Variants in AOPEP observed in about 807,000 individuals in gnomAD.
AOPEP encodes aminopeptidase O.
AOPEP carries 77 observed loss-of-function variants against 98.1 expected under a neutral mutation model. That is an observed-to-expected ratio of 0.78 (90% CI 0.65 to 0.95). The LOEUF (loss-of-function observed/expected upper bound fraction) is 0.95, where lower values mean the gene tolerates loss of function less well. AOPEP is among the 40% of genes least tolerant of loss of function. AOPEP has a pLI of 0.00. For synonymous variants in AOPEP, 346 were observed against 365.3 expected, an observed-to-expected ratio of 0.95 and a Z score of 0.60; for missense variants, 1,024 against 1,024.7, an observed-to-expected ratio of 1.00 and a Z score of 0.01.
chr9:94,763,002 C>G, intron 2 of AOPEP: 1 of 285,300 alleles, frequency 3.5e-6, no homozygotes, highest in East Asian at 1.1e-4. Context: ...GGGACAGAGT[C>G]TGTCTACATT....
chr9:94,728,383 C>A (rs1564021824), intron 1 of AOPEP, among the ~76,000 whole-genome samples: 1 of 152,130 alleles, frequency 6.6e-6, no homozygotes, highest in African/African-American at 2.4e-5. Flanking sequence ...CTTAATACTT[C>A]TTTAGAAATG....
chr9:95,010,138 C>T (rs76812757), intron 13 of AOPEP, among the ~76,000 whole-genome samples: 1,613 of 151,770 alleles, frequency 0.011, 33 homozygotes, highest in African/African-American at 0.038. Flanking sequence ...GTTTATTGTT[C>T]CTTTTAAATT....
intron 1 of AOPEP, among the ~76,000 whole-genome samples, chr9:94,728,762 A>G (rs1245057909): frequency 1.3e-5 from 2 of 152,198 alleles, no homozygotes; most frequent in African/African-American, 4.8e-5. Flanking sequence ...CCTTCAGGCT[A>G]TGCGGGGCAC....
rs571152821 is a variant in AOPEP, at chr9:94,799,173, A to T, written c.1119-1584A>T. Among the ~76,000 whole-genome samples, 10 of 152,248 alleles carry T rather than the reference A, an allele frequency of 6.6e-5. No homozygotes were observed. In the East Asian group the frequency reaches 1.4e-3, roughly 21 times the overall value. Reference sequence around the variant, plus strand: ...AGTGAAAGGTACTTCTTACATTTGGAGAGGAATTATTGTTGCATTCTGCCC... The same window carrying T: ...AGTGAAAGGTACTTCTTACATTTGGTGAGGAATTATTGTTGCATTCTGCCC... On this transcript the variant is annotated intron_variant, in intron 4 of 16. Coordinates refer to ENST00000375315, the MANE Select transcript of AOPEP (RefSeq NM_001193329.3).
At chr9:95,104,132 C>T in the AOPEP span, among the ~76,000 whole-genome samples, 2 of 152,210 alleles carry the variant, frequency 1.3e-5, no homozygotes, top group Non-Finnish European at 2.9e-5. Flanking sequence ...GGCAGAGGAA[C>T]TGACAAAGGC....
intron 5 of AOPEP, among the ~76,000 whole-genome samples, chr9:94,879,558 C>T (rs1489645102): frequency 6.6e-6 from 1 of 152,104 alleles, no homozygotes; most frequent in Non-Finnish European, 1.5e-5. Context: ...CCAGGAATAC[C>T]CCATAAAGGA....
intron 13 of AOPEP, 95 bp downstream of exon 13, chr9:95,005,711 T>C (rs1564512430): frequency 3.1e-5 from 30 of 983,048 alleles, no homozygotes; most frequent in Non-Finnish European, 4.8e-5. Context: ...GTGTTTAATT[T>C]AAAAAGTTTT....
chr9:94,993,452 A>G (rs2061018514), intron 11 of AOPEP, among the ~76,000 whole-genome samples: 1 of 152,184 alleles, frequency 6.6e-6, no homozygotes, highest in South Asian at 2.1e-4. Flanking sequence ...AGAACCAGTA[A>G]TGAAATGTGT....
intron 13 of AOPEP, among the ~76,000 whole-genome samples, chr9:95,034,606 A>G (rs2133426082): frequency 6.6e-6 from 1 of 152,362 alleles, no homozygotes; most frequent in South Asian, 2.1e-4. Context: ...AATCACACAC[A>G]GTGGCCTGCG....
rs181861592 is a variant in AOPEP, at chr9:94,980,923, C to A, written c.1977+1496C>A. Among the ~76,000 whole-genome samples the A allele has an allele frequency of 8.5e-5, 13 of 152,316 alleles. No homozygotes were observed. The East Asian group carries it at 1.2e-3, about 14-fold the overall frequency. On this transcript the variant is annotated intron_variant, in intron 11 of 16. Transcript: ENST00000375315. This position sits in a 1 kb window ranked among gnomAD's most constrained non-coding sequence, Gnocchi z 4.3. ...AGATGGGAGTGCAGGTGGTGGGGGA[C>A]ATTTGCTGAAGTTTGCCTTGTGATC...
At chr9:95,060,937 A>G in intron 14 of AOPEP, 127 bp downstream of exon 14, 3 of 690,252 alleles carry the variant, frequency 4.3e-6, no homozygotes, top group East Asian at 2.5e-5. Context: ...TGTTTGCTGT[A>G]TGAGTGAAGA....
At chr9:95,080,160 AAC>A (rs1379830285) in intron 14 of AOPEP, among the ~76,000 whole-genome samples, 2 of 152,218 alleles carry the variant, frequency 1.3e-5, no homozygotes, top group African/African-American at 4.8e-5. Flanking sequence ...AAAACAGTGA[AAC>A]ACCCAACAGA....
At chr9:94,816,709 G>C (rs1359854092) in intron 5 of AOPEP, among the ~76,000 whole-genome samples, 2 of 152,126 alleles carry the variant, frequency 1.3e-5, no homozygotes. Context: ...TGGGTGGTAG[G>C]GAGGAGCAGG....
chr9:94,850,298 G>T (rs891672400), intron 5 of AOPEP, among the ~76,000 whole-genome samples: 2 of 152,150 alleles, frequency 1.3e-5, no homozygotes, highest in African/African-American at 4.8e-5. Context: ...CTTATTGAAT[G>T]TCTAATTGAG....
intron 1 of AOPEP, among the ~76,000 whole-genome samples, chr9:94,729,390 T>C (rs1328948000): frequency 6.6e-6 from 1 of 152,032 alleles, no homozygotes. Context: ...GGCAACATGA[T>C]GAAATCCTGC....
intron 13 of AOPEP, among the ~76,000 whole-genome samples, chr9:95,017,301 A>T (rs936017711): frequency 3.3e-5 from 5 of 152,208 alleles, no homozygotes; most frequent in Non-Finnish European, 7.3e-5. Context: ...TGAGAACATC[A>T]TAGAGTATAC....
rs1843911792 is a variant in AOPEP at position 94,784,260 on chromosome 9, A to C, written c.965-8505A>C. On this transcript the variant is annotated intron_variant, in intron 3 of 16. Transcript: ENST00000375315. ...TATCCAAGACTCACCTACTAATAGG[A>C]CACTGACTTTTCATAAATTTCTTAT... 2.0e-5 allele frequency among the ~76,000 whole-genome samples: 3 copies of C among 152,238 alleles called. No homozygotes were observed. The South Asian group carries it at 6.2e-4, about 31-fold the overall frequency.
the AOPEP span, among the ~76,000 whole-genome samples, chr9:95,142,706 T>C: frequency 6.6e-6 from 1 of 152,180 alleles, no homozygotes; most frequent in African/African-American, 2.4e-5. Context: ...CTCTCAGAAG[T>C]GGCATGGTCT....
chr9:94,941,032 G>A (rs2056957865), intron 7 of AOPEP, among the ~76,000 whole-genome samples: 1 of 152,182 alleles, frequency 6.6e-6, no homozygotes, highest in Non-Finnish European at 1.5e-5. Flanking sequence ...CAAATGTAGA[G>A]CACAGGCATA....
Sources: gnomAD v4.1 joint callset for allele counts (sites outside exome capture counted in the v4.1 genomes callset) on GRCh38, gnomAD v4.1.1 for gene constraint, Gnocchi (gnomAD v3.1) non-coding constraint, MANE v1.5 for transcripts, NCBI Gene and HGNC (gene_info 2026-07-23, HGNC 2026-07-21) for gene names.